Variants in ARMC9 observed in about 807,000 individuals in gnomAD.
The protein encoded by ARMC9 is armadillo repeat containing 9, also known as lisH domain-containing protein ARMC9.
ARMC9 carries 94 observed loss-of-function variants against 107.0 expected under a neutral mutation model. The ratio of observed to expected loss-of-function variants is 0.88; its 90% confidence interval spans 0.74 to 1.04. The LOEUF (loss-of-function observed/expected upper bound fraction) is 1.04, where lower values mean the gene tolerates loss of function less well. Ranked by LOEUF, ARMC9 falls within the 50% of genes least tolerant of loss-of-function variation. ARMC9 has a pLI of 0.00. For synonymous variants in ARMC9, 380 were observed against 396.9 expected, an observed-to-expected ratio of 0.96 and a Z score of 0.51; for missense variants, 942 against 1,030.1, an observed-to-expected ratio of 0.91 and a Z score of 1.17.
At chr2:231,351,934 A>T (rs2045100168) in intron 21 of ARMC9, among the ~76,000 whole-genome samples, 2 of 152,106 alleles carry the variant, frequency 1.3e-5, no homozygotes, top group African/African-American at 4.8e-5. Flanking sequence ...GGACACAATG[A>T]CAGTATGTAT....
At chr2:231,214,605 T>G (rs1468221428) in intron 3 of ARMC9, among the ~76,000 whole-genome samples, 1 of 152,204 alleles carries the variant, frequency 6.6e-6, no homozygotes, top group Non-Finnish European at 1.5e-5. Flanking sequence ...TTAAATGTTT[T>G]GTGTGTTCTT....
chr2:231,310,907 G>A (rs1467178116), intron 19 of ARMC9, among the ~76,000 whole-genome samples: 1 of 152,002 alleles, frequency 6.6e-6, no homozygotes, highest in Admixed American at 6.5e-5. Context: ...TGGGAGGATC[G>A]CTTGAGCCCA....
At chr2:231,344,730 TTCCTAGGGTTTGACTTTGTTTTAATTTA>T (rs2044712459) in intron 20 of ARMC9, among the ~76,000 whole-genome samples, 1 of 152,220 alleles carries the variant, frequency 6.6e-6, no homozygotes, top group Non-Finnish European at 1.5e-5. Context: ...TTTCTTCCTT[TTCCTAGGGTTTGACTTTGTTTTAATTTA>T]TACTGCTAAA....
In ARMC9 at chr2:231,278,569, C is replaced by T; in HGVS notation, c.1551+111C>T. 4.4e-6 allele frequency: 4 copies of T among 901,338 alleles called. 1 individual carries two copies. Among genetic ancestry groups the T allele is most frequent in the South Asian group, 2.9e-5 (2 of 68,260 alleles). The allele number at this position is 901,338 out of a possible 1,614,324, so 55.8% of individuals were successfully genotyped here. Reference sequence around the variant, plus strand: ...CCAGGATGGTTGCTGTATTTGAAAACTGTACATGTTCTCTGTCCTTCTGGG... The same window carrying T: ...CCAGGATGGTTGCTGTATTTGAAAATTGTACATGTTCTCTGTCCTTCTGGG... On this transcript the variant is annotated intron_variant, in intron 16 of 24. Transcript: ENST00000611582.
chr2:231,256,088 G>T (rs1405880371), intron 9 of ARMC9: 6 of 1,545,766 alleles, frequency 3.9e-6, no homozygotes, highest in Non-Finnish European at 5.2e-6. Flanking sequence ...CCGCCGCCGC[G>T]CCGCCATCAT....
intron 17 of ARMC9, among the ~76,000 whole-genome samples, chr2:231,286,030 A>T (rs898646983): frequency 6.6e-6 from 1 of 152,160 alleles, no homozygotes; most frequent in Non-Finnish European, 1.5e-5. Context: ...GTTTCCCACA[A>T]TTCCTCCACC....
At chr2:231,208,616 A>G (rs1023108108) in intron 3 of ARMC9, among the ~76,000 whole-genome samples, 4 of 152,214 alleles carry the variant, frequency 2.6e-5, no homozygotes, top group Non-Finnish European at 5.9e-5. Context: ...CCAGCACAGC[A>G]TTTGCATTCT....
intron 9 of ARMC9, among the ~76,000 whole-genome samples, chr2:231,250,482 G>A (rs2037196063): frequency 6.6e-6 from 1 of 152,216 alleles, no homozygotes; most frequent in Non-Finnish European, 1.5e-5. Context: ...CATGGCTAGT[G>A]CACAGTGTGG....
chr2:231,336,858 A>C (rs537328397), intron 20 of ARMC9, among the ~76,000 whole-genome samples: 5 of 152,186 alleles, frequency 3.3e-5, no homozygotes, highest in Admixed American at 6.5e-5. Context: ...CAGGGTGTTC[A>C]TGGAGCTGCC....
rs376125588 is a variant in ARMC9, at chr2:231,253,546, C to CA, written c.880-3032dup. On this transcript the variant is annotated intron_variant, in intron 9 of 24. Transcript: ENST00000611582. ...TGGGAGACAGAGTGAGACTGTGTCT[C>CA]AAAAAAAAGAAAAAAAAATGTTATG... 5.3e-5 allele frequency among the ~76,000 whole-genome samples: 8 copies of CA among 150,654 alleles called. No individual in the cohort carries two copies. The East Asian group carries it at 1.6e-3, about 29-fold the overall frequency.
intron 9 of ARMC9, among the ~76,000 whole-genome samples, chr2:231,245,319 T>C (rs2036657065): frequency 6.6e-6 from 1 of 152,204 alleles, no homozygotes. Context: ...CTGAGTTTTT[T>C]GTTTTCTAAG....
intron 9 of ARMC9, among the ~76,000 whole-genome samples, chr2:231,250,047 A>T (rs2037156046): frequency 6.6e-6 from 1 of 151,936 alleles, no homozygotes; most frequent in South Asian, 2.1e-4. Context: ...GTCCACTGTG[A>T]TTGGGAGCAC....
intron 9 of ARMC9, among the ~76,000 whole-genome samples, chr2:231,243,543 T>C (rs1265925755): frequency 3.3e-5 from 5 of 152,204 alleles, no homozygotes; most frequent in African/African-American, 1.2e-4. Flanking sequence ...ACCCCGACTG[T>C]TATGTTAGCA....
At chr2:231,304,899 G>C (rs1388525676) in intron 19 of ARMC9, among the ~76,000 whole-genome samples, 3 of 152,158 alleles carry the variant, frequency 2.0e-5, no homozygotes, top group African/African-American at 7.2e-5. Context: ...AAAGTGACAG[G>C]CTCACTTCAT....
At chr2:231,314,008 C>T (rs1309576836) in intron 19 of ARMC9, among the ~76,000 whole-genome samples, 1 of 151,374 alleles carries the variant, frequency 6.6e-6, no homozygotes, top group Non-Finnish European at 1.5e-5. Flanking sequence ...GATCTTCCCA[C>T]CTTGACCTCC....
At position 231,206,302 on chromosome 2, in the gene ARMC9, T is replaced by C. The variant is rs1213542671; in HGVS notation, c.51+13T>C. 35 of 1,609,480 alleles carry C rather than the reference T, an allele frequency of 2.2e-5. No individual in the cohort carries two copies. The highest frequency in any genetic ancestry group is 2.9e-5 in the Non-Finnish European group (34 of 1,176,524). ...ACTAGTGAAAGAGGTAGGTATATTA[T>C]ACAAAGCAGAGGTCACAGAGAAACA... On this transcript the variant is annotated intron_variant, in intron 2 of 24. Transcript: ENST00000611582.
intron 8 of ARMC9, among the ~76,000 whole-genome samples, chr2:231,238,310 A>G (rs2035962027): frequency 6.6e-6 from 1 of 152,186 alleles, no homozygotes; most frequent in African/African-American, 2.4e-5. Flanking sequence ...AGGAATAAGT[A>G]TAGAAAGAAA....
intron 9 of ARMC9, among the ~76,000 whole-genome samples, chr2:231,247,528 G>T (rs551164913): frequency 1.2e-3 from 184 of 152,306 alleles, no homozygotes; most frequent in Non-Finnish European, 2.1e-3. Context: ...CTTCCTTGGT[G>T]CAATGCCCTG....
intron 9 of ARMC9, among the ~76,000 whole-genome samples, chr2:231,242,909 G>C (rs1017671794): frequency 3.3e-5 from 5 of 152,064 alleles, no homozygotes; most frequent in Admixed American, 2.0e-4. Context: ...CCAGGAGTTC[G>C]AGGCCAGTCT....
Sources: gnomAD v4.1 joint callset for allele counts (sites outside exome capture counted in the v4.1 genomes callset) on GRCh38, gnomAD v4.1.1 for gene constraint, MANE v1.5 for transcripts, NCBI Gene and HGNC (gene_info 2026-07-23, HGNC 2026-07-21) for gene names.